RIN2: variants seen among roughly 807,000 people sequenced by gnomAD.
The protein encoded by RIN2 is RAB5 interacting protein 2.
Under a neutral mutation model 78.0 loss-of-function variants are expected in RIN2, and 36 were observed. That is an observed-to-expected ratio of 0.46 (90% CI 0.35 to 0.61). The LOEUF (loss-of-function observed/expected upper bound fraction) is 0.61, where lower values mean the gene tolerates loss of function less well. Ranked by LOEUF, RIN2 falls within the 20% of genes least tolerant of loss-of-function variation. The pLI is 0.00. For missense variants in RIN2, 1,087 were observed against 1,159.7 expected (o/e 0.94, Z 0.91); for synonymous variants, 466 against 466.8 (o/e 1.00, Z 0.02).
chr20:19,962,341 A>T (rs2041789315), intron 6 of RIN2, among the ~76,000 whole-genome samples: 1 of 151,978 alleles, frequency 6.6e-6, no homozygotes, highest in South Asian at 2.1e-4. Flanking sequence ...ACAAGGCAAG[A>T]AGCCACAGAT....
chr20:19,850,924 A>C (rs1268790493), intron 2 of RIN2, among the ~76,000 whole-genome samples: 2 of 151,988 alleles, frequency 1.3e-5, no homozygotes. Context: ...CAGTAAGCCA[A>C]GATCGTGCCA....
At chr20:19,910,462 C>A (rs1368551286) in intron 3 of RIN2, among the ~76,000 whole-genome samples, 1 of 149,392 alleles carries the variant, frequency 6.7e-6, no homozygotes, top group South Asian at 2.1e-4. Flanking sequence ...CATAAGCCAC[C>A]ATGCTTGGCC....
intron 12 of RIN2, among the ~76,000 whole-genome samples, chr20:19,997,158 AG>A (rs2042994298): frequency 6.6e-6 from 1 of 152,188 alleles, no homozygotes; most frequent in Admixed American, 6.5e-5. Flanking sequence ...TTGTTTCATC[AG>A]GAAACAGCCG....
At position 19,912,356 on chromosome 20, in the gene RIN2, C is replaced by G. The variant is rs187430909; in HGVS notation, c.57+22698C>G. On this transcript the variant is annotated intron_variant, in intron 3 of 12. Coordinates refer to ENST00000255006, the MANE Select transcript of RIN2 (RefSeq NM_018993.4). Reference sequence around the variant, plus strand: ...CTGCAGGTCCATGCTTTTTACCAGGCCAGACCCCTCTCCAGGGGCATCTCA... The same window carrying G: ...CTGCAGGTCCATGCTTTTTACCAGGGCAGACCCCTCTCCAGGGGCATCTCA... Among the ~76,000 whole-genome samples the G allele has an allele frequency of 3.2e-3, 483 of 152,294 alleles. 10 individuals are homozygous for G. The highest frequency in any genetic ancestry group is 0.029 in the Admixed American group (451 of 15,292).
chr20:19,902,173 T>G (rs2039017765), intron 3 of RIN2, among the ~76,000 whole-genome samples: 1 of 152,152 alleles, frequency 6.6e-6, no homozygotes, highest in South Asian at 2.1e-4. Flanking sequence ...CCACACAGTT[T>G]GTGAAGTATG....
Position 19,956,634 on chromosome 20 carries a change from G to A in RIN2, c.178G>A (p.Gly60Ser). 2 of 1,613,398 alleles carry A rather than the reference G, an allele frequency of 1.2e-6. No individual in the cohort carries two copies. The highest frequency in any genetic ancestry group is 1.7e-6 in the Non-Finnish European group (2 of 1,179,674). ...TCCTAGCATGGTAAGACACAAGGAT[G>A]GTGGCTATTCCGAGGAAGAGGACGT... ...ETHSMVRHKD[G>S]GYSEEEDVKT... The change falls in exon 5 of 13, where the codon GGT becomes AGT. Residue 60 changes from glycine (G) to serine (S), a missense_variant. Gly to Ser is a moderately conservative substitution (Grantham distance 56). This residue lies in a region of RIN2 where 706 missense variants were observed against 667.5 expected (regional missense o/e 1.06). Coordinates refer to ENST00000255006, the MANE Select transcript of RIN2 (RefSeq NM_018993.4).
chr20:19,821,372 C>T (rs1222684396), intron 2 of RIN2, among the ~76,000 whole-genome samples: 1 of 152,108 alleles, frequency 6.6e-6, no homozygotes, highest in African/African-American at 2.4e-5. Flanking sequence ...CCCATATGTG[C>T]CCCACCCTTT....
At chr20:19,859,846 A>T (rs1347798270) in intron 2 of RIN2, among the ~76,000 whole-genome samples, 1 of 152,140 alleles carries the variant, frequency 6.6e-6, no homozygotes, top group Non-Finnish European at 1.5e-5. Context: ...TCAAGCCCAA[A>T]ACTTGGGAGT....
At chr20:19,957,532 C>G (rs1262772671) in intron 5 of RIN2, among the ~76,000 whole-genome samples, 1 of 152,158 alleles carries the variant, frequency 6.6e-6, no homozygotes, top group African/African-American at 2.4e-5. Flanking sequence ...CAAAAATTAG[C>G]CCGGTGTGGT....
At chr20:19,959,538 C>T (rs1338249585) in intron 5 of RIN2, among the ~76,000 whole-genome samples, 2 of 152,190 alleles carry the variant, frequency 1.3e-5, no homozygotes, top group Non-Finnish European at 2.9e-5. Context: ...CAGCTTCATT[C>T]TTCACCAGAT....
chr20:19,988,432 T>C (rs1009647012), intron 9 of RIN2, among the ~76,000 whole-genome samples: 6 of 152,184 alleles, frequency 3.9e-5, no homozygotes, highest in Non-Finnish European at 8.8e-5. Flanking sequence ...ACTTAACTAT[T>C]TCTGATCTTA....
chr20:19,846,909 A>G (rs2036804086), intron 2 of RIN2, among the ~76,000 whole-genome samples: 1 of 152,188 alleles, frequency 6.6e-6, no homozygotes, highest in South Asian at 2.1e-4. Flanking sequence ...CAGTTACTCC[A>G]TCCAGCCTAC....
chr20:19,939,171 C>T (rs1417183596), intron 4 of RIN2, among the ~76,000 whole-genome samples: 1 of 152,226 alleles, frequency 6.6e-6, no homozygotes. Context: ...CTCAGCCTCC[C>T]AACATAGCTG....
rs535986877 is a variant in RIN2, at chr20:19,975,678, C to T, written c.1653C>T (p.Thr551=). The change falls in exon 9 of 13, where the codon ACC becomes ACT. Residue 551 remains threonine, a synonymous_variant. Coordinates refer to ENST00000255006, the MANE Select transcript of RIN2 (RefSeq NM_018993.4). This position sits in a 1 kb window ranked among gnomAD's most constrained non-coding sequence, Gnocchi z 4.9. Reference sequence around the variant, plus strand: ...ACAAGGAGTGCCACGTGTCCAGCACCGACATGCTGCAGACCATCCGGCAGT... The same window carrying T: ...ACAAGGAGTGCCACGTGTCCAGCACTGACATGCTGCAGACCATCCGGCAGT... ...QENKECHVSS[T]DMLQTIRQFM... is the part of the protein sequence containing the mutation. 1.2e-4 allele frequency: 187 copies of T among 1,613,648 alleles called. No homozygotes were observed. Among genetic ancestry groups the T allele is most frequent in the Middle Eastern group, 1.7e-4 (1 of 6,054 alleles).
chr20:19,827,810 C>CTTTTTTTTT (rs34007899), intron 2 of RIN2, among the ~76,000 whole-genome samples: 5 of 138,374 alleles, frequency 3.6e-5, no homozygotes, highest in African/African-American at 2.7e-5. Context: ...TTCTTTTTTT[C>CTTTTTTTTT]TTTTTTTTTT....
intron 11 of RIN2, among the ~76,000 whole-genome samples, chr20:19,995,410 A>G (rs951790517): frequency 2.6e-5 from 4 of 152,200 alleles, no homozygotes; most frequent in African/African-American, 9.7e-5. Context: ...CTCTAAATCT[A>G]AAATATGCTG....
chr20:19,971,452 A>G (rs1274263490), intron 8 of RIN2, among the ~76,000 whole-genome samples: 1 of 151,902 alleles, frequency 6.6e-6, no homozygotes, highest in Non-Finnish European at 1.5e-5. Flanking sequence ...AAGACATACA[A>G]CTCACCCACT....
chr20:19,812,154 A>T (rs2035625250), intron 2 of RIN2, among the ~76,000 whole-genome samples: 1 of 151,940 alleles, frequency 6.6e-6, no homozygotes, highest in African/African-American at 2.4e-5. Context: ...TTTTATTGTT[A>T]TAAATCATGC....
Position 19,842,694 on chromosome 20 carries a change from C to T in RIN2, c.-37+42947C>T, listed in dbSNP as rs1413675091. On this transcript the variant is annotated intron_variant, in intron 2 of 12. Transcript: ENST00000255006. Reference sequence around the variant, plus strand: ...TCTAACTGAGATGTAAGAAGAGATTCGTGTTGTTTTCAGGCCTGCTAACAC... The same window carrying T: ...TCTAACTGAGATGTAAGAAGAGATTTGTGTTGTTTTCAGGCCTGCTAACAC... Among the ~76,000 whole-genome samples the T allele has an allele frequency of 2.0e-5, 3 of 152,146 alleles. No homozygotes were observed. The Middle Eastern group carries it at 0.01, about 521-fold the overall frequency.
Sources: gnomAD v4.1 joint callset for allele counts (sites outside exome capture counted in the v4.1 genomes callset) on GRCh38, gnomAD v4.1.1 for gene constraint, gnomAD v4.1.1 regional missense constraint, Gnocchi (gnomAD v3.1) non-coding constraint, MANE v1.5 for transcripts, NCBI Gene and HGNC (gene_info 2026-07-23, HGNC 2026-07-21) for gene names.